The following WDFY1 variants were observed in gnomAD, a reference collection of about 807,000 sequenced individuals.
WDFY1 encodes the protein WD repeat and FYVE domain-containing protein 1.
A neutral mutation model predicts 56.4 loss-of-function variants in WDFY1; 32 were observed. The ratio of observed to expected loss-of-function variants is 0.57; its 90% CI spans 0.43 to 0.76. The LOEUF (loss-of-function observed/expected upper bound fraction) is 0.76. WDFY1 is among the 30% of genes least tolerant of loss of function. The pLI, the probability that WDFY1 is intolerant of heterozygous loss-of-function variation, is 0.00. For missense variants in WDFY1, 480 were observed against 545.7 expected (o/e 0.88, Z 1.20); for synonymous variants, 192 against 197.3 (o/e 0.97, Z 0.23).
At chr2:223,936,636 G>A (rs1479835881) in intron 1 of WDFY1, among the ~76,000 whole-genome samples, 1 of 152,224 alleles carries the variant, frequency 6.6e-6, no homozygotes, top group Admixed American at 6.5e-5. Context: ...TGCTTGCAAG[G>A]TTGGCCCTTG....
chr2:223,941,868 C>A (rs1689310332), intron 1 of WDFY1, among the ~76,000 whole-genome samples: 1 of 152,170 alleles, frequency 6.6e-6, no homozygotes, highest in Admixed American at 6.5e-5. Flanking sequence ...ATGGCTAACA[C>A]CAAGAAAAAA....
rs577425174 is a variant in WDFY1, at chr2:223,878,845, T to C, written c.1174-115A>G. ...CCTGAAAAGGTGTCAAATTAATGAA[T>C]TTTCTCATTCTCCTCTTTCATAACA... On this transcript the variant is annotated intron_variant, in intron 11 of 11. Transcript: ENST00000233055. 348 of 1,292,272 alleles carry C rather than the reference T, an allele frequency of 2.7e-4. 4 individuals carry two copies. The South Asian group carries it at 4.5e-3, about 17-fold the overall frequency. 80.1% of individuals were successfully genotyped at this position (1,292,272 alleles called of 1,614,324 possible). A position where few individuals can be genotyped will look rare whatever the true frequency, so the allele number is the denominator to read the frequency against.
At chr2:223,942,765 G>A (rs1689331231) in intron 1 of WDFY1, among the ~76,000 whole-genome samples, 1 of 139,498 alleles carries the variant, frequency 7.2e-6, no homozygotes, top group Non-Finnish European at 1.6e-5. Context: ...TCGATCTCCT[G>A]ACCTCATGAT....
intron 4 of WDFY1, among the ~76,000 whole-genome samples, chr2:223,905,575 G>A (rs143843441): frequency 2.0e-5 from 3 of 151,888 alleles, no homozygotes; most frequent in African/African-American, 4.8e-5. Flanking sequence ...ACACACACAC[G>A]TGTATATACT....
intron 2 of WDFY1, among the ~76,000 whole-genome samples, chr2:223,916,831 T>C (rs886711579): frequency 6.0e-5 from 9 of 150,900 alleles, no homozygotes; most frequent in Non-Finnish European, 1.3e-4. Flanking sequence ...TTTTTTTTTT[T>C]GATACGGAGT....
At chr2:223,914,468 T>C (rs1693756354) in intron 2 of WDFY1, among the ~76,000 whole-genome samples, 1 of 152,248 alleles carries the variant, frequency 6.6e-6, no homozygotes, top group African/African-American at 2.4e-5. Flanking sequence ...GCTACATTTA[T>C]ATATAACTTA....
At chr2:223,892,548 TA>T in intron 8 of WDFY1, among the ~76,000 whole-genome samples, 1 of 152,156 alleles carries the variant, frequency 6.6e-6, no homozygotes, top group Non-Finnish European at 1.5e-5. Context: ...ACAGTAGCCA[TA>T]AAGTCTGGAA....
chr2:223,893,003 G>A (rs1693304372), intron 8 of WDFY1, among the ~76,000 whole-genome samples: 2 of 152,184 alleles, frequency 1.3e-5, no homozygotes, highest in Admixed American at 1.3e-4. Context: ...AACATCGTAA[G>A]TTGTAGATGT....
At chr2:223,902,925 T>C (rs986850117) in intron 4 of WDFY1, among the ~76,000 whole-genome samples, 26 of 152,250 alleles carry the variant, frequency 1.7e-4, no homozygotes, top group Admixed American at 1.0e-3. Flanking sequence ...TAGTTTGTGG[T>C]AAAGATGCTG....
intron 3 of WDFY1, among the ~76,000 whole-genome samples, chr2:223,910,447 TAAA>T (rs1196716792): frequency 7.8e-6 from 1 of 127,514 alleles, no homozygotes. Flanking sequence ...TCACCAAACT[TAAA>T]AAAAAAAAAA....
chr2:223,901,145 G>C (rs1268299017), intron 5 of WDFY1, 38 bp downstream of exon 5: 9 of 1,591,280 alleles, frequency 5.7e-6, no homozygotes, highest in Non-Finnish European at 7.7e-6. Flanking sequence ...GAGAAGCAGA[G>C]GCCAGGGGAA....
chr2:223,887,255 A>T (rs1166659203), intron 8 of WDFY1, among the ~76,000 whole-genome samples: 1 of 152,192 alleles, frequency 6.6e-6, no homozygotes, highest in African/African-American at 2.4e-5. Context: ...TGCCAATGGC[A>T]CAGGGTATTT....
chr2:223,901,420 A>G, intron 4 of WDFY1, 87 bp from the exon 5 acceptor site: 3 of 1,501,168 alleles, frequency 2.0e-6, no homozygotes, highest in East Asian at 2.3e-5. Flanking sequence ...CAATCTGCTC[A>G]GCCAGGGCAC....
intron 6 of WDFY1, among the ~76,000 whole-genome samples, chr2:223,897,388 A>C (rs190058970): frequency 8.0e-6 from 1 of 125,084 alleles, no homozygotes; most frequent in South Asian, 2.5e-4. Flanking sequence ...ATATATATAT[A>C]TATTTTTTAA....
At chr2:223,942,438 T>C (rs1689322076) in intron 1 of WDFY1, among the ~76,000 whole-genome samples, 1 of 151,244 alleles carries the variant, frequency 6.6e-6, no homozygotes, top group African/African-American at 2.4e-5. Flanking sequence ...CAGGATGGTC[T>C]CGACCTCCTG....
chr2:223,945,327 T>C lies in WDFY1; in HGVS notation c.-43A>G. The C allele has an allele frequency of 6.5e-6, 10 of 1,531,164 alleles. No homozygotes were observed. The highest frequency in any genetic ancestry group is 1.4e-5 in the African/African-American group (1 of 69,974). The allele number at this position is 1,531,164 out of a possible 1,614,324, so 94.8% of individuals were successfully genotyped here. A position where few individuals can be genotyped will look rare whatever the true frequency, so the allele number is the denominator to read the frequency against. On this transcript the variant is annotated 5_prime_UTR_variant, in exon 1 of 12. The change abolishes an upstream ATG in the 5' untranslated region. Coordinates refer to ENST00000233055, the MANE Select transcript of WDFY1 (RefSeq NM_020830.5). The stretch of plus-strand genomic sequence containing the variant: ...TGCGGCCTCCTCGGCAGGCAGCCCA[T>C]CAGCTGACGCCTGGGCGGGCGGGGG...
rs148522059 is a variant in WDFY1, at chr2:223,895,510, C to G, written c.719G>C (p.Gly240Ala). The G allele has an allele frequency of 7.4e-6, 12 of 1,613,918 alleles. No individual in the cohort carries two copies. The highest frequency in any genetic ancestry group is 1.7e-5 in the Admixed American group (1 of 59,994). The change falls in exon 7 of 12, where the codon GGC becomes GCC. Residue 240 changes from glycine to alanine, a missense_variant. Coordinates refer to ENST00000233055, the MANE Select transcript of WDFY1 (RefSeq NM_020830.5). The stretch of plus-strand genomic sequence containing the variant: ...CCCACAAGTGGTCACGCACTGATGG[C>G]CCTGAAGTAACAGCGTCCGGCCTTT... ...GRKGRTLLLQ[G>A]HHDKVQSLCY...
chr2:223,935,683 T>C (rs1216394138), intron 1 of WDFY1, among the ~76,000 whole-genome samples: 2 of 152,182 alleles, frequency 1.3e-5, no homozygotes, highest in Admixed American at 6.5e-5. Flanking sequence ...ACAGACTATG[T>C]GGGAAGATAA....
At chr2:223,896,175 A>AAAAAAC (rs1553536050) in intron 6 of WDFY1, among the ~76,000 whole-genome samples, 19 of 147,300 alleles carry the variant, frequency 1.3e-4, no homozygotes, top group African/African-American at 4.6e-4. Context: ...AAAAAAAAAA[A>AAAAAAC]AAAAAAAACT....
Sources: gnomAD v4.1 joint callset for allele counts (sites outside exome capture counted in the v4.1 genomes callset) on GRCh38, gnomAD v4.1.1 for gene constraint, MANE v1.5 for transcripts, NCBI Gene and HGNC (gene_info 2026-07-23, HGNC 2026-07-21) for gene names.